The following SGK2 variants were observed in gnomAD, a reference collection of about 807,000 sequenced individuals.
SGK2 encodes the protein serum/glucocorticoid regulated kinase 2.
SGK2 carries 36 observed loss-of-function variants against 47.5 expected under a neutral mutation model. That is an observed-to-expected ratio of 0.76 (90% CI 0.58 to 1.00). The LOEUF (loss-of-function observed/expected upper bound fraction) is 1.00, where lower values mean the gene tolerates loss of function less well. SGK2 is among the 50% of genes least tolerant of loss of function. The probability of loss-of-function intolerance (pLI) is 0.00; values close to 1 mark genes in which losing one functional copy is unlikely to be tolerated. For missense variants in SGK2, 404 were observed against 467.4 expected, an observed-to-expected ratio of 0.86 and a Z score of 1.25; for synonymous variants, 157 against 181.9, an observed-to-expected ratio of 0.86 and a Z score of 1.10.
rs921875494 is a variant in SGK2, at chr20:43,585,309, A to G, written c.*293A>G. 3 of 212,336 alleles carry G rather than the reference A, an allele frequency of 1.4e-5. No homozygotes were observed. Among genetic ancestry groups the G allele is most frequent in the Admixed American group, 1.0e-4 (2 of 19,532 alleles). 13.2% of individuals were successfully genotyped at this position (212,336 alleles called of 1,614,324 possible). On this transcript the variant is annotated 3_prime_UTR_variant, in exon 13 of 13. Coordinates refer to ENST00000373100, the MANE Select transcript of SGK2 (RefSeq NM_170693.3). ...GCCTATTTTGTGTTTAGGGAAGGGA[A>G]AATGGAGGAAAGGGGAGAAGAGCAA...
At chr20:43,583,445 T>C in intron 12 of SGK2, 1 of 1,186,354 alleles carries the variant, frequency 8.4e-7, no homozygotes, top group Non-Finnish European at 1.1e-6. Context: ...CATTCTGATC[T>C]TGGAACTCTG....
In SGK2 at chr20:43,573,910, GC is replaced by G. The variant is rs1181468963; in HGVS notation, c.598-995del. On this transcript the variant is annotated intron_variant, in intron 9 of 12. Transcript: ENST00000373100. ...CCCCAGCTCATGTAGGAGACATGTG[GC>G]CCCAACACATCACCTTTACCACGAC... 4.6e-5 allele frequency among the ~76,000 whole-genome samples: 7 copies of G among 152,256 alleles called. No homozygotes were observed. In the East Asian group the frequency reaches 1.3e-3, roughly 29 times the overall value.
intron 1 of SGK2, among the ~76,000 whole-genome samples, chr20:43,561,778 A>G (rs1386913482): frequency 6.6e-6 from 1 of 152,094 alleles, no homozygotes; most frequent in African/African-American, 2.4e-5. Flanking sequence ...TTTAAGACTC[A>G]CCGTGGCTTT....
intron 8 of SGK2, 27 bp downstream of exon 8, chr20:43,571,087 G>C: frequency 1.2e-6 from 2 of 1,609,664 alleles, no homozygotes; most frequent in Non-Finnish European, 1.7e-6. Flanking sequence ...GTGTGTGTGT[G>C]TGTGTGTGTG....
chr20:43,578,340 C>A (rs567684798), intron 11 of SGK2, among the ~76,000 whole-genome samples: 3 of 152,198 alleles, frequency 2.0e-5, no homozygotes, highest in Non-Finnish European at 4.4e-5. Context: ...CAAAAATTAT[C>A]CAGGTGTGGT....
At chr20:43,566,921 G>A (rs979340718) in intron 2 of SGK2, 147 bp from the exon 3 acceptor site, 19 of 592,796 alleles carry the variant, frequency 3.2e-5, no homozygotes, top group African/African-American at 1.4e-4. Flanking sequence ...GGAGGGAGGC[G>A]GGCAGGCGGG....
intron 6 of SGK2, 83 bp from the exon 7 acceptor site, chr20:43,570,534 A>G (rs1980029376): frequency 1.1e-6 from 1 of 873,226 alleles, no homozygotes; most frequent in Non-Finnish European, 1.8e-6. Context: ...GTGAGCTCGC[A>G]GCCGCACAGG....
Position 43,580,001 on chromosome 20 carries a change from C to G in SGK2, c.879C>G (p.Ser293Arg). ...FLEIKNHVFFSPINWDDLYHK... is the reference protein window; with the variant it reads ...FLEIKNHVFFRPINWDDLYHK... ...AGATTAAGAACCATGTATTCTTCAG[C>G]CCCATAAACTGGGATGACCTGTACC... Residue 293 changes from serine (S) to arginine (R), a missense_variant, in exon 12 of 13, where the codon AGC becomes AGG. Coordinates refer to ENST00000373100, the MANE Select transcript of SGK2 (RefSeq NM_170693.3). 1 of 1,613,364 alleles carries G rather than the reference C, an allele frequency of 6.2e-7. No homozygotes were observed. Among genetic ancestry groups the G allele is most frequent in the Non-Finnish European group, 8.5e-7 (1 of 1,179,496 alleles).
intron 1 of SGK2, among the ~76,000 whole-genome samples, chr20:43,565,592 C>T (rs960957920): frequency 6.6e-6 from 1 of 152,180 alleles, no homozygotes; most frequent in Admixed American, 6.5e-5. Context: ...CTCAGAGAGG[C>T]TGGGCTGCAG....
chr20:43,559,185 T>C (rs1368350613), intron 1 of SGK2, 26 bp downstream of exon 1: 1 of 152,278 alleles, frequency 6.6e-6, no homozygotes, highest in Non-Finnish European at 1.5e-5. Flanking sequence ...GTGAGCAGGA[T>C]ACCTGCCTGC....
At chr20:43,568,877 G>T (rs1484397691) in intron 5 of SGK2, among the ~76,000 whole-genome samples, 2 of 152,182 alleles carry the variant, frequency 1.3e-5, no homozygotes, top group Non-Finnish European at 2.9e-5. Context: ...GAGGTTGGGG[G>T]ACTCAGAGAA....
intron 1 of SGK2, among the ~76,000 whole-genome samples, chr20:43,564,463 C>T (rs1979562468): frequency 6.6e-6 from 1 of 152,200 alleles, no homozygotes; most frequent in Non-Finnish European, 1.5e-5. Context: ...TACACAGGCC[C>T]CCTAGCCGCA....
chr20:43,575,402 T>A (rs1158745370), intron 10 of SGK2, among the ~76,000 whole-genome samples: 1 of 143,814 alleles, frequency 7.0e-6, no homozygotes, highest in Non-Finnish European at 1.5e-5. Context: ...AGGCAGGGGC[T>A]GCAGTGAACC....
At chr20:43,584,572 G>C (rs1429037708) in intron 12 of SGK2, among the ~76,000 whole-genome samples, 1 of 152,116 alleles carries the variant, frequency 6.6e-6, no homozygotes, top group African/African-American at 2.4e-5. Context: ...ACTTTATCTT[G>C]TTCTCCTGTG....
chr20:43,576,223 G>T lies in SGK2; in HGVS notation c.694-1G>T. The T allele has an allele frequency of 6.2e-7, 1 of 1,613,792 alleles. No homozygotes were observed. Among genetic ancestry groups the T allele is most frequent in the Non-Finnish European group, 8.5e-7 (1 of 1,179,742 alleles). ...TCCAGCTGTTCTCCCTCTCTCCCCAGCCGCCCTTCTACAGCCAAGATGTAT... is the reference window on the plus strand; with the variant it reads ...TCCAGCTGTTCTCCCTCTCTCCCCATCCGCCCTTCTACAGCCAAGATGTAT... On this transcript the variant is annotated splice_acceptor_variant, in intron 10 of 12. Transcript: ENST00000373100. LOFTEE classifies it high-confidence loss of function.
intron 5 of SGK2, among the ~76,000 whole-genome samples, chr20:43,568,863 A>G (rs373015695): frequency 3.6e-4 from 55 of 152,286 alleles, no homozygotes; most frequent in African/African-American, 1.3e-3. Flanking sequence ...AGAGGATTGC[A>G]TAGGAGGTTG....
At chr20:43,561,385 GATT>G (rs1458687344) in intron 1 of SGK2, among the ~76,000 whole-genome samples, 4 of 133,078 alleles carry the variant, frequency 3.0e-5, no homozygotes, top group Middle Eastern at 3.7e-3. Flanking sequence ...AGAGGCTTTG[GATT>G]TTTTTTTTTT....
In SGK2 at chr20:43,576,243, A is replaced by G. The variant is rs748478154; in HGVS notation, c.713A>G (p.Asp238Gly). Residue 238 changes from aspartate to glycine, a missense_variant, in exon 11 of 13, where the codon GAT (aspartate) becomes GGT (glycine). Asp to Gly is a moderately conservative substitution (Grantham distance 94). Transcript: ENST00000373100. Reference sequence around the variant, plus strand: ...CCCCAGCCGCCCTTCTACAGCCAAGATGTATCCCAGATGTATGAGAACATT... The same window carrying G: ...CCCCAGCCGCCCTTCTACAGCCAAGGTGTATCCCAGATGTATGAGAACATT... ...LHGLPPFYSQ[D>G]VSQMYENILH... is the part of the protein sequence containing the mutation. The G allele has an allele frequency of 8.7e-6, 14 of 1,613,992 alleles. No homozygotes were observed. Among genetic ancestry groups the G allele is most frequent in the East Asian group, 2.2e-5 (1 of 44,888 alleles).
intron 12 of SGK2, among the ~76,000 whole-genome samples, chr20:43,584,017 C>T (rs1436865919): frequency 6.6e-6 from 1 of 151,688 alleles, no homozygotes; most frequent in Non-Finnish European, 1.5e-5. Flanking sequence ...AAGTCTGAGT[C>T]AGGCCAGCTG....
Sources: gnomAD v4.1 joint callset for allele counts (sites outside exome capture counted in the v4.1 genomes callset) on GRCh38, gnomAD v4.1.1 for gene constraint, MANE v1.5 for transcripts, NCBI Gene and HGNC (gene_info 2026-07-23, HGNC 2026-07-21) for gene names.